Variants in NTRK1 observed in about 807,000 individuals in gnomAD.
NTRK1 encodes the protein high affinity nerve growth factor receptor.
A neutral mutation model predicts 86.8 loss-of-function variants in NTRK1; 62 were observed. That is an observed-to-expected ratio of 0.71 (90% CI 0.58 to 0.88). The LOEUF is 0.88. Ranked by LOEUF, NTRK1 falls within the 40% of genes least tolerant of loss-of-function variation. The probability of loss-of-function intolerance (pLI) is 0.00; values close to 1 mark genes in which losing one functional copy is unlikely to be tolerated. For missense variants in NTRK1, 967 were observed against 1,078.4 expected, an observed-to-expected ratio of 0.90 and a Z score of 1.45; for synonymous variants, 469 against 456.6, an observed-to-expected ratio of 1.03 and a Z score of -0.35.
intron 1 of NTRK1, among the ~76,000 whole-genome samples, chr1:156,825,051 G>A (rs1252437192): frequency 1.3e-5 from 2 of 152,220 alleles, no homozygotes; most frequent in Admixed American, 6.5e-5. Flanking sequence ...CACCACGCCC[G>A]GCTAATTTTG....
At chr1:156,867,908 T>C (rs1043120953) in intron 4 of NTRK1, among the ~76,000 whole-genome samples, 196 bp from the exon 5 acceptor site, 8 of 146,502 alleles carry the variant, frequency 5.5e-5, no homozygotes, top group South Asian at 4.4e-4. Context: ...CTTCTGACCT[T>C]GTGATCCGCC....
Position 156,863,733 on chromosome 1 carries a change from G to A in NTRK1, c.213-621G>A, listed in dbSNP as rs557049858. Reference sequence around the variant, plus strand: ...TGAGACCAGGCAGTGGCCCTTGGGCGGGCACGTTTGGGAACACACATTTGC... The same window carrying A: ...TGAGACCAGGCAGTGGCCCTTGGGCAGGCACGTTTGGGAACACACATTTGC... On this transcript the variant is annotated intron_variant, in intron 1 of 16. Coordinates refer to ENST00000524377, the MANE Select transcript of NTRK1 (RefSeq NM_002529.4). 1.3e-4 allele frequency among the ~76,000 whole-genome samples: 20 copies of A among 152,202 alleles called. No homozygotes were observed. In the South Asian group the frequency reaches 4.2e-3, roughly 32 times the overall value.
rs779053257 is a variant in NTRK1 at position 156,881,651 on chromosome 1, C to T, written c.*9C>T. The T allele has an allele frequency of 6.3e-7, 1 of 1,598,406 alleles. No individual in the cohort carries two copies. The highest frequency in any genetic ancestry group is 8.5e-7 in the Non-Finnish European group (1 of 1,173,442). ...TGGATGTCCTGGGCTAGGGGGCCGGCCCAGGGGCTGGGAGTGGTTAGCCGG... is the reference window on the plus strand; with the variant it reads ...TGGATGTCCTGGGCTAGGGGGCCGGTCCAGGGGCTGGGAGTGGTTAGCCGG... On this transcript the variant is annotated 3_prime_UTR_variant, in exon 17 of 17. Transcript: ENST00000524377.
chr1:156,877,451 C>T (rs1450006645), intron 14 of NTRK1, among the ~76,000 whole-genome samples: 2 of 152,232 alleles, frequency 1.3e-5, no homozygotes, highest in Non-Finnish European at 2.9e-5. Context: ...CAAGGGCACA[C>T]AGGTAGTGAA....
At chr1:156,869,809 C>T (rs550333806) in intron 6 of NTRK1, among the ~76,000 whole-genome samples, 212 of 152,338 alleles carry the variant, frequency 1.4e-3, no homozygotes, top group Non-Finnish European at 1.8e-3. Flanking sequence ...GCCTTGTTGA[C>T]GAGGTCAACG....
chr1:156,875,813 T>C (rs1647870165), intron 12 of NTRK1, 147 bp downstream of exon 12: 5 of 1,253,386 alleles, frequency 4.0e-6, no homozygotes, highest in African/African-American at 1.5e-5. Context: ...GGCCCTGTCA[T>C]ATTCTTCTCA....
At chr1:156,865,994 C>T (rs1407019376) in intron 3 of NTRK1, among the ~76,000 whole-genome samples, 1 of 152,242 alleles carries the variant, frequency 6.6e-6, no homozygotes, top group South Asian at 2.1e-4. Flanking sequence ...TCTTCACAAT[C>T]AACCTGGTGA....
intron 1 of NTRK1, among the ~76,000 whole-genome samples, chr1:156,826,530 C>G (rs1434231105): frequency 6.6e-6 from 1 of 151,986 alleles, no homozygotes; most frequent in Non-Finnish European, 1.5e-5. Context: ...ACCTCGTGAT[C>G]CGCCCGCCTC....
chr1:156,876,612 C>G (rs756119946), intron 14 of NTRK1, 40 bp downstream of exon 14: 2 of 1,584,100 alleles, frequency 1.3e-6, no homozygotes, highest in Non-Finnish European at 1.7e-6. Context: ...CGGCCCCTGG[C>G]TCTGGGCCCC....
At chr1:156,847,621 T>C (rs913903061) in intron 2 of NTRK1, among the ~76,000 whole-genome samples, 8 of 151,444 alleles carry the variant, frequency 5.3e-5, no homozygotes, top group South Asian at 4.2e-4. Context: ...CAGCGGGAAG[T>C]GCCTGCCTTT....
chr1:156,848,929 G>C, intron 2 of NTRK1: 1 of 1,575,580 alleles, frequency 6.3e-7, no homozygotes, highest in Non-Finnish European at 8.6e-7. Context: ...ACGACTCCTT[G>C]TAGTACACGA....
At chr1:156,838,366 A>G (rs1350005339) in intron 1 of NTRK1, among the ~76,000 whole-genome samples, 1 of 144,710 alleles carries the variant, frequency 6.9e-6, no homozygotes, top group Non-Finnish European at 1.5e-5. Flanking sequence ...TCTCCCAGCC[A>G]GCTACAGGCT....
chr1:156,816,560 T>G (rs889321167), intron 1 of NTRK1: 2 of 947,532 alleles, frequency 2.1e-6, no homozygotes, highest in Non-Finnish European at 3.2e-6. Flanking sequence ...TTGCCAGCTC[T>G]GGCTTAGGGT....
At chr1:156,869,026 TCC>T (rs1647379287) in intron 6 of NTRK1, among the ~76,000 whole-genome samples, 2 of 40,506 alleles carry the variant, frequency 4.9e-5, no homozygotes, top group African/African-American at 1.6e-4. Context: ...CTCCCTTCCT[TCC>T]TTCCTTCCTT....
chr1:156,854,848 T>C lies in NTRK1; in HGVS notation c.51-9506T>C, dbSNP rs1056996788. Among the ~76,000 whole-genome samples the C allele has an allele frequency of 3.9e-5, 6 of 152,118 alleles. No homozygotes were observed. The highest frequency in any genetic ancestry group is 8.8e-5 in the Non-Finnish European group (6 of 68,016). ...AGCCAGAGTGATCTCAAAACACAGATGGATCACGTTTCTCCTCTGCTTATA... is the reference window on the plus strand; with the variant it reads ...AGCCAGAGTGATCTCAAAACACAGACGGATCACGTTTCTCCTCTGCTTATA... On this transcript the variant is annotated intron_variant, in intron 2 of 16. Coordinates refer to the NTRK1 transcript ENST00000392302. The surrounding 1 kb of genome is among the most constrained non-coding windows in gnomAD (Gnocchi z 4.2).
rs766309294 is a variant in NTRK1, at chr1:156,868,492, C to G, written c.575-13C>G. The G allele has an allele frequency of 2.6e-6, 4 of 1,555,204 alleles. No homozygotes were observed. Among genetic ancestry groups the G allele is most frequent in the Non-Finnish European group, 3.5e-6 (4 of 1,149,526 alleles). On this transcript the variant is annotated splice_polypyrimidine_tract_variant and intron_variant, in intron 5 of 16. Transcript: ENST00000524377. ...CTAACACCCCTTGGCCCTCGGGCGTCCTGGGTGGCCAGGTGTGCCCACGCT... is the reference window on the plus strand; with the variant it reads ...CTAACACCCCTTGGCCCTCGGGCGTGCTGGGTGGCCAGGTGTGCCCACGCT...
At chr1:156,875,766 C>T in intron 12 of NTRK1, 100 bp downstream of exon 12, 1 of 1,495,242 alleles carries the variant, frequency 6.7e-7, no homozygotes, top group South Asian at 1.2e-5. Flanking sequence ...CGATCCCTCC[C>T]TTTCTCCCAC....
chr1:156,869,895 G>A (rs970544162), intron 6 of NTRK1, among the ~76,000 whole-genome samples: 2 of 152,240 alleles, frequency 1.3e-5, no homozygotes, highest in Admixed American at 1.3e-4. Flanking sequence ...CAGGGACCAG[G>A]AATGTGTGCC....
intron 15 of NTRK1, among the ~76,000 whole-genome samples, chr1:156,879,661 G>A (rs140068753): frequency 1.9e-4 from 29 of 152,298 alleles, no homozygotes; most frequent in Non-Finnish European, 3.5e-4. Flanking sequence ...CTAGGCTGGA[G>A]TGCAGTGGCA....
Sources: gnomAD v4.1 joint callset for allele counts (sites outside exome capture counted in the v4.1 genomes callset) on GRCh38, gnomAD v4.1.1 for gene constraint, Gnocchi (gnomAD v3.1) non-coding constraint, MANE v1.5 for transcripts, NCBI Gene and HGNC (gene_info 2026-07-23, HGNC 2026-07-21) for gene names.